Variants in FBLN5 observed in about 807,000 individuals in gnomAD.
FBLN5 encodes the protein fibulin 5, also known as fibulin-5.
FBLN5 carries 24 observed loss-of-function variants against 61.6 expected under a neutral mutation model. That is an observed-to-expected ratio of 0.39 (90% CI 0.28 to 0.55). FBLN5 has a LOEUF of 0.55. Ranked by LOEUF, FBLN5 falls within the 20% of genes least tolerant of loss-of-function variation. The pLI, the probability that FBLN5 is intolerant of heterozygous loss-of-function variation, is 0.65. For synonymous variants in FBLN5, 213 were observed against 219.8 expected (o/e 0.97, Z 0.27); for missense variants, 470 against 594.1 (o/e 0.79, Z 2.17).
At chr14:91,890,979 C>T (rs145833856) in intron 6 of FBLN5, among the ~76,000 whole-genome samples, 1 of 152,328 alleles carries the variant, frequency 6.6e-6, no homozygotes, top group African/African-American at 2.4e-5. Context: ...TGAAACTGTA[C>T]ACTCCCAGCC....
At chr14:91,904,356 G>A (rs901121317) in intron 4 of FBLN5, among the ~76,000 whole-genome samples, 8 of 152,136 alleles carry the variant, frequency 5.3e-5, no homozygotes, top group African/African-American at 1.9e-4. Context: ...ATTCCCAGAG[G>A]ATGAAGAATA....
In FBLN5 at chr14:91,870,963, A is replaced by T. The variant is rs563024830; in HGVS notation, c.1186-578T>A. Among the ~76,000 whole-genome samples the T allele has an allele frequency of 2.6e-4, 39 of 152,260 alleles. No individual in the cohort carries two copies. In the Middle Eastern group the frequency reaches 0.014, roughly 53 times the overall value. ...AGGGTTTGGCATTGAGTACATACAC[A>T]TGGACACAAAGAAGGGAAAAACAGG... On this transcript the variant is annotated intron_variant, in intron 10 of 10. Transcript: ENST00000342058.
intron 10 of FBLN5, among the ~76,000 whole-genome samples, chr14:91,876,273 A>G (rs544539367): frequency 2.0e-5 from 3 of 152,310 alleles, no homozygotes; most frequent in South Asian, 2.1e-4. Context: ...CTTGTGGCCC[A>G]TGACTTCATA....
At chr14:91,909,046 T>G (rs1890804414) in intron 4 of FBLN5, among the ~76,000 whole-genome samples, 1 of 151,972 alleles carries the variant, frequency 6.6e-6, no homozygotes, top group African/African-American at 2.4e-5. Context: ...GCCTCCCGAG[T>G]AGCTGGGACT....
intron 4 of FBLN5, among the ~76,000 whole-genome samples, chr14:91,924,542 G>A (rs1420478448): frequency 1.3e-5 from 2 of 151,546 alleles, no homozygotes; most frequent in Non-Finnish European, 2.9e-5. Context: ...CAAAAAAATA[G>A]CTGGTAGCAC....
chr14:91,878,858 C>T (rs1200196642), intron 9 of FBLN5, among the ~76,000 whole-genome samples: 1 of 152,198 alleles, frequency 6.6e-6, no homozygotes, highest in Non-Finnish European at 1.5e-5. Flanking sequence ...AATCCCAGCA[C>T]TTTGAAAGGC....
chr14:91,929,796 G>T (rs2055893325), intron 4 of FBLN5, among the ~76,000 whole-genome samples: 1 of 152,254 alleles, frequency 6.6e-6, no homozygotes, highest in Non-Finnish European at 1.5e-5. Flanking sequence ...CCCTGGACCA[G>T]CAGCGTGGCA....
intron 8 of FBLN5, among the ~76,000 whole-genome samples, chr14:91,881,712 G>A (rs1479366792): frequency 6.6e-6 from 1 of 152,066 alleles, no homozygotes. Context: ...AGGATCACTT[G>A]AAGCCAGGAG....
intron 8 of FBLN5, 103 bp from the exon 9 acceptor site, chr14:91,881,521 A>G: frequency 7.7e-7 from 1 of 1,300,566 alleles, no homozygotes; most frequent in Non-Finnish European, 1.1e-6. Flanking sequence ...TGTACTATCC[A>G]ATATGGCAGC....
At chr14:91,871,274 T>C (rs1421301003) in intron 10 of FBLN5, among the ~76,000 whole-genome samples, 1 of 145,858 alleles carries the variant, frequency 6.9e-6, no homozygotes, top group African/African-American at 2.5e-5. Flanking sequence ...TTTGTTAAAC[T>C]AACAATTCCA....
chr14:91,928,980 C>T (rs1193443227), intron 4 of FBLN5, among the ~76,000 whole-genome samples: 1 of 151,676 alleles, frequency 6.6e-6, no homozygotes, highest in Non-Finnish European at 1.5e-5. Context: ...ATGGCATGAA[C>T]GTGGGAGGCA....
chr14:91,946,357 A>G (rs1392730509), intron 1 of FBLN5, among the ~76,000 whole-genome samples: 3 of 152,110 alleles, frequency 2.0e-5, no homozygotes, highest in Non-Finnish European at 4.4e-5. Context: ...GTTGGTGCTC[A>G]TAACCGGTCC....
chr14:91,907,403 C>T (rs760739177), intron 4 of FBLN5, among the ~76,000 whole-genome samples: 3 of 152,164 alleles, frequency 2.0e-5, no homozygotes, highest in Admixed American at 6.5e-5. Context: ...CTATCTAAAC[C>T]AGCGTTTTCA....
At chr14:91,892,292 G>T (rs1890029240) in intron 5 of FBLN5, among the ~76,000 whole-genome samples, 1 of 152,164 alleles carries the variant, frequency 6.6e-6, no homozygotes, top group Non-Finnish European at 1.5e-5. Flanking sequence ...GCTGTGACCA[G>T]TTGATCTGAC....
intron 7 of FBLN5, among the ~76,000 whole-genome samples, chr14:91,885,176 T>A (rs1409661538): frequency 6.6e-6 from 1 of 152,190 alleles, no homozygotes; most frequent in Non-Finnish European, 1.5e-5. Context: ...CCTGGGCCAG[T>A]CTGCTCTAGA....
intron 6 of FBLN5, among the ~76,000 whole-genome samples, chr14:91,889,037 T>C (rs1465891462): frequency 1.3e-5 from 2 of 152,228 alleles, no homozygotes; most frequent in Non-Finnish European, 2.9e-5. Context: ...GCTAATCCCA[T>C]GGCCACAAAG....
intron 4 of FBLN5, among the ~76,000 whole-genome samples, chr14:91,908,957 G>A (rs1040634687): frequency 6.0e-5 from 9 of 151,248 alleles, no homozygotes; most frequent in African/African-American, 2.2e-4. Context: ...CTCACTCGTC[G>A]CTCAGGCTGG....
intron 3 of FBLN5, chr14:91,940,079 T>A (rs1001744805): frequency 7.4e-6 from 3 of 403,520 alleles, no homozygotes; most frequent in African/African-American, 6.3e-5. Context: ...TGCCCTCCAC[T>A]GACAGTCAGC....
intron 10 of FBLN5, among the ~76,000 whole-genome samples, chr14:91,873,080 G>T (rs907770802): frequency 2.0e-5 from 3 of 152,204 alleles, no homozygotes; most frequent in Admixed American, 2.0e-4. Context: ...GCAGAAGCTG[G>T]TGAGTCCGGC....
Sources: allele counts gnomAD v4.1 joint callset (sites outside exome capture counted in the v4.1 genomes callset), GRCh38; gene constraint gnomAD v4.1.1; transcripts MANE v1.5; gene names NCBI Gene and HGNC (gene_info 2026-07-23, HGNC 2026-07-21).